ADAM12: variants seen among roughly 807,000 people sequenced by gnomAD.
ADAM12 encodes disintegrin and metalloproteinase domain-containing protein 12.
In ADAM12, 70 loss-of-function variants were observed where a neutral mutation model predicts 106.4. That is an observed-to-expected ratio of 0.66 (90% CI 0.54 to 0.80). The LOEUF is 0.80. ADAM12 is among the 30% of genes least tolerant of loss of function. ADAM12 has a pLI of 0.00. For synonymous variants in ADAM12, 420 were observed against 433.5 expected, an observed-to-expected ratio of 0.97 and a Z score of 0.39; for missense variants, 1,010 against 1,171.9, an observed-to-expected ratio of 0.86 and a Z score of 2.02.
chr10:126,369,065 G>A (rs184370081), intron 1 of ADAM12, among the ~76,000 whole-genome samples: 166 of 152,094 alleles, frequency 1.1e-3, no homozygotes, highest in African/African-American at 3.7e-3. Context: ...TGTTCCTTTC[G>A]TATCACTAAT....
chr10:126,244,032 C>A (rs904257264), intron 3 of ADAM12, among the ~76,000 whole-genome samples: 1 of 152,188 alleles, frequency 6.6e-6, no homozygotes, highest in Non-Finnish European at 1.5e-5. Context: ...AAATTCTAGT[C>A]ATTTCCAGAC....
At chr10:126,130,067 ACCCCAGCTT>A in intron 5 of ADAM12, among the ~76,000 whole-genome samples, 1 of 152,154 alleles carries the variant, frequency 6.6e-6, no homozygotes, top group Admixed American at 6.5e-5. Flanking sequence ...CTTCTAGGAC[ACCCCAGCTT>A]CCCTCCAGGT....
chr10:126,183,327 TC>T (rs56006299), intron 3 of ADAM12, among the ~76,000 whole-genome samples: 3 of 152,234 alleles, frequency 2.0e-5, no homozygotes, highest in Non-Finnish European at 4.4e-5. Flanking sequence ...TCAACCCCAT[TC>T]CATGGAAAAA....
intron 5 of ADAM12, among the ~76,000 whole-genome samples, chr10:126,124,593 A>C (rs1174590938): frequency 1.3e-5 from 2 of 152,126 alleles, no homozygotes; most frequent in Admixed American, 6.5e-5. Context: ...AAACACATTA[A>C]GAATAGTTAT....
intron 2 of ADAM12, among the ~76,000 whole-genome samples, chr10:126,316,798 AAAAG>A (rs1488964382): frequency 2.8e-4 from 43 of 151,664 alleles, no homozygotes; most frequent in Admixed American, 2.8e-3. Flanking sequence ...AAAAAAAAAA[AAAAG>A]AAAAGAAAAT....
rs114770031 is a variant in ADAM12, at chr10:126,331,281, G to C, written c.89-772C>G. 6.3e-3 allele frequency among the ~76,000 whole-genome samples: 959 copies of C among 152,198 alleles called. 9 individuals carry two copies. Among genetic ancestry groups the C allele is most frequent in the African/African-American group, 0.022 (894 of 41,524 alleles). On this transcript the variant is annotated intron_variant, in intron 1 of 22. Transcript: ENST00000448723. ...CTATGAGGTCATGCTCCTGCTATTTGGTTCGACCACAGTATATCCCTCAAG... is the reference window on the plus strand; with the variant it reads ...CTATGAGGTCATGCTCCTGCTATTTCGTTCGACCACAGTATATCCCTCAAG...
intron 3 of ADAM12, among the ~76,000 whole-genome samples, chr10:126,199,578 A>C (rs1438534432): frequency 6.6e-6 from 1 of 152,190 alleles, no homozygotes; most frequent in Non-Finnish European, 1.5e-5. Flanking sequence ...TGTCTGTGGG[A>C]AGCTGCTGCT....
At chr10:126,279,170 T>C (rs1590724146) in intron 2 of ADAM12, among the ~76,000 whole-genome samples, 182 bp from the exon 3 acceptor site, 1 of 152,054 alleles carries the variant, frequency 6.6e-6, no homozygotes, top group East Asian at 1.9e-4. Context: ...AAAAGAGCAG[T>C]GAAGGCCAGG....
intron 2 of ADAM12, among the ~76,000 whole-genome samples, chr10:126,329,015 G>A (rs1854409468): frequency 1.3e-5 from 2 of 152,134 alleles, no homozygotes; most frequent in East Asian, 1.9e-4. Context: ...CCACCCCAGC[G>A]GCAGGCCCAT....
chr10:126,267,606 CT>C (rs1427153105), intron 3 of ADAM12, among the ~76,000 whole-genome samples: 6 of 152,132 alleles, frequency 3.9e-5, no homozygotes, highest in Admixed American at 6.5e-5. Context: ...CGCCACTGAT[CT>C]GACAGGGGGC....
intron 5 of ADAM12, among the ~76,000 whole-genome samples, chr10:126,120,067 G>A (rs1485217648): frequency 6.6e-6 from 1 of 152,176 alleles, no homozygotes; most frequent in Non-Finnish European, 1.5e-5. Context: ...AAATTTTCAT[G>A]TAAAATTCAT....
intron 1 of ADAM12, among the ~76,000 whole-genome samples, chr10:126,382,270 A>G (rs1856521615): frequency 6.6e-6 from 1 of 152,228 alleles, no homozygotes; most frequent in African/African-American, 2.4e-5. Context: ...TGCAAAGCCA[A>G]CACAGCTAGG....
At chr10:126,141,162 GC>G (rs1956502948) in intron 4 of ADAM12, among the ~76,000 whole-genome samples, 2 of 152,222 alleles carry the variant, frequency 1.3e-5, no homozygotes, top group South Asian at 4.1e-4. Flanking sequence ...GCACCCCAGG[GC>G]CCCCTGACCT....
chr10:126,070,907 G>T (rs1034523009), intron 12 of ADAM12, among the ~76,000 whole-genome samples: 1 of 152,098 alleles, frequency 6.6e-6, no homozygotes, highest in African/African-American at 2.4e-5. Context: ...CCTGATATTG[G>T]CTGGAAAACA....
rs188096347 is a variant in ADAM12 at position 126,154,040 on chromosome 10, T to G, written c.339+1187A>C. 5.8e-3 allele frequency among the ~76,000 whole-genome samples: 882 copies of G among 152,348 alleles called. 9 individuals carry two copies. The highest frequency in any genetic ancestry group is 0.02 in the African/African-American group (850 of 41,572). On this transcript the variant is annotated intron_variant, in intron 4 of 22. Coordinates refer to ENST00000448723, the MANE Select transcript of ADAM12 (RefSeq NM_001288973.2). ...ATTGGAAGAGTTCTTTTTGTCTCTT[T>G]TTCACAGAGGAAAGCAGCTCTCCTG...
intron 11 of ADAM12, among the ~76,000 whole-genome samples, chr10:126,091,726 T>G (rs1344467228): frequency 6.6e-6 from 1 of 152,226 alleles, no homozygotes; most frequent in African/African-American, 2.4e-5. Flanking sequence ...CCATGAAGAC[T>G]TTCCAATTGG....
chr10:126,125,730 T>C (rs939454111), intron 5 of ADAM12, among the ~76,000 whole-genome samples: 7 of 151,926 alleles, frequency 4.6e-5, no homozygotes, highest in African/African-American at 1.5e-4. Flanking sequence ...CGTGACCTTA[T>C]TGCGAAAAGG....
chr10:126,271,796 C>A (rs900586236), intron 3 of ADAM12, among the ~76,000 whole-genome samples: 4 of 152,186 alleles, frequency 2.6e-5, no homozygotes, highest in Admixed American at 6.5e-5. Flanking sequence ...CTTATCATGT[C>A]ATTGTTCTGC....
chr10:126,042,335 A>C, intron 18 of ADAM12: 1 of 1,473,052 alleles, frequency 6.8e-7, no homozygotes, highest in Non-Finnish European at 9.1e-7. Context: ...TCTAAAGGTC[A>C]TCCGAGGAGA....
Sources: gnomAD v4.1 joint callset for allele counts (sites outside exome capture counted in the v4.1 genomes callset) on GRCh38, gnomAD v4.1.1 for gene constraint, MANE v1.5 for transcripts, NCBI Gene and HGNC (gene_info 2026-07-23, HGNC 2026-07-21) for gene names.